Variants in LPXN observed in about 807,000 individuals in gnomAD.
LPXN encodes leupaxin.
Under a neutral mutation model 45.6 loss-of-function variants are expected in LPXN, and 28 were observed. The ratio of observed to expected loss-of-function variants is 0.61; its 90% confidence interval spans 0.45 to 0.84. LPXN has a LOEUF of 0.84. Ranked by LOEUF, LPXN falls within the 40% of genes least tolerant of loss-of-function variation. The pLI is 0.00. For synonymous variants in LPXN, 166 were observed against 169.9 expected (o/e 0.98, Z 0.18); for missense variants, 459 against 475.0 (o/e 0.97, Z 0.31).
chr11:58,540,546 C>T (rs955090268), intron 7 of LPXN, among the ~76,000 whole-genome samples: 1 of 152,042 alleles, frequency 6.6e-6, no homozygotes, highest in African/African-American at 2.4e-5. Flanking sequence ...TCTTAATATT[C>T]CAGCAAGAAA....
intron 7 of LPXN, among the ~76,000 whole-genome samples, chr11:58,546,842 T>G (rs1437011902): frequency 2.0e-5 from 3 of 152,088 alleles, no homozygotes; most frequent in African/African-American, 7.2e-5. Context: ...TCCAAACAGG[T>G]AGTCAAAGAT....
upstream of LPXN, among the ~76,000 whole-genome samples, chr11:58,578,795 C>G (rs1855005705): frequency 6.6e-6 from 1 of 152,002 alleles, no homozygotes; most frequent in Non-Finnish European, 1.5e-5. Flanking sequence ...CCGCCTCCCT[C>G]GCGAGACCTG....
chr11:58,570,849 A>G lies in LPXN; in HGVS notation c.14-136T>C, dbSNP rs866248563. The G allele has an allele frequency of 1.7e-5, 10 of 580,288 alleles. No individual in the cohort carries two copies. In the Middle Eastern group the frequency reaches 1.1e-3, roughly 63 times the overall value. 35.9% of individuals were successfully genotyped at this position (580,288 alleles called of 1,614,324 possible). A position where few individuals can be genotyped will look rare whatever the true frequency, so the allele number is the denominator to read the frequency against. On this transcript the variant is annotated intron_variant, in intron 1 of 8. Transcript: ENST00000395074. Reference sequence around the variant, plus strand: ...TGGCTATTTTCAAATACTTTCCCTTATTCCTTATTTCACTTCAAGAATGTG... The same window carrying G: ...TGGCTATTTTCAAATACTTTCCCTTGTTCCTTATTTCACTTCAAGAATGTG...
chr11:58,575,460 G>A (rs1372143237), intron 1 of LPXN, among the ~76,000 whole-genome samples: 1 of 152,046 alleles, frequency 6.6e-6, no homozygotes, highest in East Asian at 1.9e-4. Flanking sequence ...AGGGCAAAAC[G>A]CCCATAACAA....
intron 3 of LPXN, among the ~76,000 whole-genome samples, chr11:58,560,062 T>A (rs1304144841): frequency 1.3e-5 from 2 of 152,204 alleles, no homozygotes; most frequent in African/African-American, 4.8e-5. Flanking sequence ...ACCCTATGTA[T>A]ACATTTCCAA....
intron 3 of LPXN, among the ~76,000 whole-genome samples, chr11:58,560,373 CAT>C (rs567600158): frequency 2.0e-4 from 31 of 152,250 alleles, no homozygotes; most frequent in Non-Finnish European, 3.1e-4. Context: ...AAAATTAACA[CAT>C]GTTAAGTGTA....
chr11:58,538,105 T>C (rs984476727), intron 7 of LPXN, among the ~76,000 whole-genome samples: 32 of 152,002 alleles, frequency 2.1e-4, no homozygotes, highest in Non-Finnish European at 1.0e-4. Flanking sequence ...CATGAACTCA[T>C]CATTTTTTAT....
chr11:58,528,381 GGTTCATA>G (rs1853291788), intron 7 of LPXN, among the ~76,000 whole-genome samples, 190 bp from the exon 8 acceptor site: 1 of 152,174 alleles, frequency 6.6e-6, no homozygotes, highest in South Asian at 2.1e-4. Context: ...CATTGTGTCT[GGTTCATA>G]GTAAACATTT....
upstream of LPXN, among the ~76,000 whole-genome samples, chr11:58,576,810 A>G (rs1854905905): frequency 6.6e-6 from 1 of 152,162 alleles, no homozygotes; most frequent in African/African-American, 2.4e-5. Flanking sequence ...GCTCTCTGTC[A>G]CCCAGGCTGG....
Position 58,569,059 on chromosome 11 carries a change from T to G in LPXN, c.171+1497A>C, listed in dbSNP as rs796443779. On this transcript the variant is annotated intron_variant, in intron 2 of 8. Transcript: ENST00000395074. Reference sequence around the variant, plus strand: ...AGACAATAGTTCCCTAGTAGAGAGATAAATTCGTATCGTTAAAATTGTGTA... The same window carrying G: ...AGACAATAGTTCCCTAGTAGAGAGAGAAATTCGTATCGTTAAAATTGTGTA... 1.2e-4 allele frequency among the ~76,000 whole-genome samples: 19 copies of G among 152,304 alleles called. 1 individual carries two copies. The highest frequency in any genetic ancestry group is 4.1e-4 in the African/African-American group (17 of 41,556).
chr11:58,535,708 T>C (rs535497265), intron 7 of LPXN, among the ~76,000 whole-genome samples: 1 of 152,270 alleles, frequency 6.6e-6, no homozygotes, highest in Non-Finnish European at 1.5e-5. Flanking sequence ...GGTACTCACA[T>C]AGGAAAAGAG....
chr11:58,555,768 GCA>G (rs5792108), intron 3 of LPXN, among the ~76,000 whole-genome samples: 80,156 of 149,330 alleles, frequency 0.54, 21,546 homozygotes, highest in East Asian at 0.66. Context: ...TCACACACAT[GCA>G]CACACACACA....
At chr11:58,577,470 A>G (rs1280447357), upstream of LPXN, among the ~76,000 whole-genome samples, 1 of 151,946 alleles carries the variant, frequency 6.6e-6, no homozygotes, top group Admixed American at 6.5e-5. Context: ...TCTTGTTTCC[A>G]GCTTCTTTCT....
At chr11:58,553,308 G>T (rs1590559145) in intron 4 of LPXN, among the ~76,000 whole-genome samples, 1 of 143,282 alleles carries the variant, frequency 7.0e-6, no homozygotes, top group South Asian at 2.2e-4. Context: ...TGCACTCCAG[G>T]CTGGGTAACC....
chr11:58,537,426 C>T (rs1853584798), intron 7 of LPXN, among the ~76,000 whole-genome samples: 1 of 152,104 alleles, frequency 6.6e-6, no homozygotes, highest in Admixed American at 6.6e-5. Context: ...AAACCAAACA[C>T]CGCATGTTCT....
At chr11:58,547,187 C>T (rs1341942562) in intron 7 of LPXN, among the ~76,000 whole-genome samples, 1 of 152,048 alleles carries the variant, frequency 6.6e-6, no homozygotes, top group Non-Finnish European at 1.5e-5. Flanking sequence ...CACTGGCTGT[C>T]AGAGAAAAGA....
chr11:58,536,834 A>G (rs1853567733), intron 7 of LPXN, among the ~76,000 whole-genome samples: 1 of 152,154 alleles, frequency 6.6e-6, no homozygotes, highest in Admixed American at 6.5e-5. Context: ...AACCCCATCA[A>G]AAAGTGACTG....
At chr11:58,542,900 G>A (rs186331743) in intron 7 of LPXN, among the ~76,000 whole-genome samples, 32 of 152,214 alleles carry the variant, frequency 2.1e-4, no homozygotes, top group Admixed American at 7.2e-4. Flanking sequence ...AAAAACAAAC[G>A]TTTCTGCAAG....
At chr11:58,567,487 T>C (rs976012097) in intron 2 of LPXN, among the ~76,000 whole-genome samples, 6 of 152,206 alleles carry the variant, frequency 3.9e-5, no homozygotes, top group Non-Finnish European at 5.9e-5. Flanking sequence ...TATTACCAGT[T>C]TACTTACAAG....
Sources: gnomAD v4.1 joint callset for allele counts (sites outside exome capture counted in the v4.1 genomes callset) on GRCh38, gnomAD v4.1.1 for gene constraint, MANE v1.5 for transcripts, NCBI Gene and HGNC (gene_info 2026-07-23, HGNC 2026-07-21) for gene names.